Variants in SYT1 observed in about 807,000 individuals in gnomAD.
SYT1 encodes synaptotagmin-1.
A neutral mutation model predicts 44.8 loss-of-function variants in SYT1; 8 were observed. That is an observed-to-expected ratio of 0.18 (90% CI 0.10 to 0.32). The LOEUF (loss-of-function observed/expected upper bound fraction) is 0.32, where lower values mean the gene tolerates loss of function less well. SYT1 is among the 10% of genes least tolerant of loss of function. The probability of loss-of-function intolerance (pLI) is 1.00; values close to 1 mark genes in which losing one functional copy is unlikely to be tolerated. For missense variants in SYT1, 286 were observed against 509.3 expected (o/e 0.56, Z 4.22); for synonymous variants, 154 against 188.8 (o/e 0.82, Z 1.51).
intron 4 of SYT1, among the ~76,000 whole-genome samples, chr12:79,259,460 G>A (rs1459574149): frequency 6.6e-6 from 1 of 152,246 alleles, no homozygotes; most frequent in African/African-American, 2.4e-5. Flanking sequence ...AAGGCCGGAT[G>A]TGGTGGCTCA....
At chr12:79,061,061 A>G (rs1875346997) in intron 3 of SYT1, among the ~76,000 whole-genome samples, 1 of 152,102 alleles carries the variant, frequency 6.6e-6, no homozygotes, top group Non-Finnish European at 1.5e-5. Flanking sequence ...CCATTTCTCT[A>G]AAATTAAATA....
At chr12:79,361,723 C>A (rs1005322354) in intron 9 of SYT1, among the ~76,000 whole-genome samples, 1 of 152,166 alleles carries the variant, frequency 6.6e-6, no homozygotes, top group African/African-American at 2.4e-5. Flanking sequence ...ACTTATTCTT[C>A]ACACACAAAA....
intron 8 of SYT1, among the ~76,000 whole-genome samples, chr12:79,337,194 A>G (rs1220905238): frequency 6.6e-6 from 1 of 152,152 alleles, no homozygotes; most frequent in African/African-American, 2.4e-5. Flanking sequence ...ATCCATTTTA[A>G]TGGTGGGAGG....
intron 1 of SYT1, among the ~76,000 whole-genome samples, chr12:78,928,408 C>G (rs140756522): frequency 6.6e-6 from 1 of 152,096 alleles, no homozygotes. Flanking sequence ...TCCTTCTTCC[C>G]GATTTCATGA....
chr12:79,258,618 A>G (rs1371038087), intron 4 of SYT1, among the ~76,000 whole-genome samples: 1 of 152,230 alleles, frequency 6.6e-6, no homozygotes, highest in Non-Finnish European at 1.5e-5. Flanking sequence ...TTTCTTAGGA[A>G]TAAAAAGTCT....
At chr12:79,120,258 A>G (rs1225108787) in intron 3 of SYT1, among the ~76,000 whole-genome samples, 1 of 152,164 alleles carries the variant, frequency 6.6e-6, no homozygotes, top group African/African-American at 2.4e-5. Flanking sequence ...AATTGATATA[A>G]ACATGGGAAC....
chr12:79,233,105 G>A (rs1179300745), intron 4 of SYT1, among the ~76,000 whole-genome samples: 2 of 151,038 alleles, frequency 1.3e-5, no homozygotes, highest in East Asian at 3.9e-4. Flanking sequence ...TTCTCTACCT[G>A]TCTCGTGGCA....
Position 79,066,171 on chromosome 12 carries a change from A to C in SYT1, c.-18+18809A>C, listed in dbSNP as rs532790697. ...GACCACACATTTGACACATGCTCACAAACACACTTATCCAAACATGGCAAA... is the reference window on the plus strand; with the variant it reads ...GACCACACATTTGACACATGCTCACCAACACACTTATCCAAACATGGCAAA... On this transcript the variant is annotated intron_variant, in intron 3 of 10. Coordinates refer to ENST00000261205, the MANE Select transcript of SYT1 (RefSeq NM_005639.3). Among the ~76,000 whole-genome samples the C allele has an allele frequency of 4.6e-5, 7 of 152,242 alleles. No homozygotes were observed. In the South Asian group the frequency reaches 1.2e-3, roughly 27 times the overall value.
At chr12:79,190,410 A>T (rs1308861544) in intron 3 of SYT1, among the ~76,000 whole-genome samples, 1 of 152,136 alleles carries the variant, frequency 6.6e-6, no homozygotes, top group African/African-American at 2.4e-5. Flanking sequence ...TAAGAGCACC[A>T]TAAAATAATT....
At chr12:78,985,760 A>G (rs1869598401) in intron 2 of SYT1, among the ~76,000 whole-genome samples, 1 of 152,004 alleles carries the variant, frequency 6.6e-6, no homozygotes, top group African/African-American at 2.4e-5. Context: ...AAATTGGTTT[A>G]TGATCAGTGT....
intron 8 of SYT1, among the ~76,000 whole-genome samples, chr12:79,334,954 T>C (rs1249250275): frequency 1.3e-5 from 2 of 152,142 alleles, no homozygotes; most frequent in African/African-American, 2.4e-5. Context: ...CTTTTTTATT[T>C]CTCACGACAC....
At chr12:78,878,390 C>T (rs576966552) in intron 1 of SYT1, among the ~76,000 whole-genome samples, 24 of 151,886 alleles carry the variant, frequency 1.6e-4, no homozygotes, top group Non-Finnish European at 3.2e-4. Flanking sequence ...TTCTCTGACA[C>T]CTTTCAGTGC....
chr12:79,217,293 T>C (rs372779242), intron 3 of SYT1, among the ~76,000 whole-genome samples: 5 of 152,348 alleles, frequency 3.3e-5, no homozygotes, highest in African/African-American at 1.2e-4. Flanking sequence ...TCAGTAACTA[T>C]GTCTGGTCTT....
intron 5 of SYT1, among the ~76,000 whole-genome samples, chr12:79,287,331 A>G (rs1163727429): frequency 6.6e-6 from 1 of 152,136 alleles, no homozygotes; most frequent in African/African-American, 2.4e-5. Flanking sequence ...TAAACGTTCA[A>G]CTACAGGTGT....
chr12:78,975,258 TA>T (rs1868739415), intron 1 of SYT1, among the ~76,000 whole-genome samples: 1 of 152,062 alleles, frequency 6.6e-6, no homozygotes, highest in Admixed American at 6.6e-5. Context: ...CTATTTAAAT[TA>T]TGTAAACACT....
In SYT1 at chr12:79,262,258, A is replaced by G. The variant is rs1405615889; in HGVS notation, c.167-23529A>G. 2.0e-5 allele frequency among the ~76,000 whole-genome samples: 3 copies of G among 152,262 alleles called. No individual in the cohort carries two copies. In the East Asian group the frequency reaches 5.8e-4, roughly 29 times the overall value. Reference sequence around the variant, plus strand: ...TTATAGCATGGTTGGACTTTTCTCTAGAAAATTACAAATGTATTCAATATA... The same window carrying G: ...TTATAGCATGGTTGGACTTTTCTCTGGAAAATTACAAATGTATTCAATATA... On this transcript the variant is annotated intron_variant, in intron 4 of 10. Transcript: ENST00000261205.
intron 3 of SYT1, among the ~76,000 whole-genome samples, chr12:79,164,183 A>C (rs1871112612): frequency 6.6e-6 from 1 of 152,112 alleles, no homozygotes; most frequent in Admixed American, 6.6e-5. Flanking sequence ...TTTTAAAGGA[A>C]GTAATTAAGA....
At chr12:79,178,521 T>C (rs1295746894) in intron 3 of SYT1, among the ~76,000 whole-genome samples, 1 of 151,974 alleles carries the variant, frequency 6.6e-6, no homozygotes. Flanking sequence ...CATTTGTTTT[T>C]TGTTTTGTTT....
Position 79,031,597 on chromosome 12 carries a change from C to T in SYT1, c.-83-15700C>T, listed in dbSNP as rs544110736. On this transcript the variant is annotated intron_variant, in intron 2 of 10. Transcript: ENST00000261205. ...TTAAGATGCTAATTCTTGTTAGAAC[C>T]CTATTATGTAACTTTCATATTAAAC... Among the ~76,000 whole-genome samples the T allele has an allele frequency of 2.0e-5, 3 of 151,084 alleles. No homozygotes were observed. The East Asian group carries it at 5.8e-4, about 29-fold the overall frequency.
Sources: gnomAD v4.1 joint callset for allele counts (sites outside exome capture counted in the v4.1 genomes callset) on GRCh38, gnomAD v4.1.1 for gene constraint, MANE v1.5 for transcripts, NCBI Gene and HGNC (gene_info 2026-07-23, HGNC 2026-07-21) for gene names.